CSMD1: variants seen among roughly 807,000 people sequenced by gnomAD.
The protein encoded by CSMD1 is CUB and Sushi multiple domains 1.
A neutral mutation model predicts 417.5 loss-of-function variants in CSMD1; 213 were observed. That is an observed-to-expected ratio of 0.51 (90% CI 0.46 to 0.57). CSMD1 has a LOEUF of 0.57. Among genes scored for constraint, CSMD1 ranks in the 20% least tolerant of loss-of-function variants. CSMD1 has a pLI of 0.00. For synonymous variants in CSMD1, 2,862 were observed against 1,736.8 expected (o/e 1.65, Z -16.11); for missense variants, 6,923 against 4,529.7 (o/e 1.53, Z -15.17).
chr8:4,050,342 C>T (rs970103091), intron 3 of CSMD1, among the ~76,000 whole-genome samples: 6 of 152,080 alleles, frequency 3.9e-5, no homozygotes, highest in African/African-American at 1.2e-4. Flanking sequence ...ACACAGAGCA[C>T]CCACTAAAGT....
At chr8:4,874,879 TATAGA>T (rs1802953367) in intron 1 of CSMD1, among the ~76,000 whole-genome samples, 1 of 148,462 alleles carries the variant, frequency 6.7e-6, no homozygotes, top group African/African-American at 2.5e-5. Context: ...GTATATATAG[TATAGA>T]GTATAGTGTA....
At chr8:4,318,571 G>T (rs1467205316) in intron 3 of CSMD1, among the ~76,000 whole-genome samples, 1 of 151,922 alleles carries the variant, frequency 6.6e-6, no homozygotes, top group African/African-American at 2.4e-5. Context: ...ACACTAAAAA[G>T]AATAAAAAAC....
At chr8:3,346,947 G>A (rs1808043882) in intron 22 of CSMD1, among the ~76,000 whole-genome samples, 1 of 152,204 alleles carries the variant, frequency 6.6e-6, no homozygotes, top group African/African-American at 2.4e-5. Flanking sequence ...TCACCTCGCT[G>A]AAATAAGCAG....
Position 3,813,699 on chromosome 8 carries a change from A to T in CSMD1, c.819-59657T>A, listed in dbSNP as rs183540796. On this transcript the variant is annotated intron_variant, in intron 5 of 69. Coordinates refer to ENST00000635120, the MANE Select transcript of CSMD1 (RefSeq NM_033225.6). ...AAAGCCCTGTACTTTCCAATATTCA[A>T]CTATTCACTCCTCCTATACCAAATG... is the stretch of plus-strand genomic sequence containing the variant. Among the ~76,000 whole-genome samples, 281 of 152,246 alleles carry T rather than the reference A, an allele frequency of 1.8e-3. 1 individual carries two copies. The highest frequency in any genetic ancestry group is 0.018 in the East Asian group (95 of 5,182).
rs1395622287 is a variant in CSMD1, at chr8:3,660,522, T to A, written c.1010-43725A>T. 4.4e-5 allele frequency among the ~76,000 whole-genome samples: 2 copies of A among 45,896 alleles called. 1 individual carries two copies. The highest frequency in any genetic ancestry group is 7.1e-5 in the Non-Finnish European group (2 of 28,154). The allele number at this position is 45,896 out of a possible 152,430, so 30.1% of individuals were successfully genotyped here. A position where few individuals can be genotyped will look rare whatever the true frequency, so the allele number is the denominator to read the frequency against. On this transcript the variant is annotated intron_variant, in intron 7 of 69. Transcript: ENST00000635120. ...TTTTTTTTTTTTTTTTTTTTTTTTT[T>A]TTTTTTTTTTTTTTTTGAAAAAAAA...
At chr8:3,959,456 G>A (rs2627492) in intron 5 of CSMD1, among the ~76,000 whole-genome samples, 95,010 of 152,078 alleles carry the variant, frequency 0.62, 30,079 homozygotes, top group East Asian at 0.93. Flanking sequence ...CCAAGATCAC[G>A]CCATTGCACT....
intron 57 of CSMD1, among the ~76,000 whole-genome samples, chr8:2,967,955 T>C (rs994641966): frequency 2.0e-5 from 3 of 152,158 alleles, no homozygotes; most frequent in African/African-American, 4.8e-5. Flanking sequence ...CCCGTGCCAA[T>C]GGCAGACAGA....
intron 12 of CSMD1, among the ~76,000 whole-genome samples, chr8:3,457,600 G>C (rs12681360): frequency 6.6e-6 from 1 of 152,164 alleles, no homozygotes; most frequent in Non-Finnish European, 1.5e-5. Flanking sequence ...TTCAAGAATA[G>C]AATAGTCCCA....
intron 3 of CSMD1, among the ~76,000 whole-genome samples, chr8:4,153,367 G>A (rs573781775): frequency 2.0e-5 from 3 of 152,236 alleles, no homozygotes; most frequent in African/African-American, 7.2e-5. Context: ...CTACATTCTG[G>A]AAGCAACAGT....
At chr8:3,592,601 G>C (rs1187317428) in intron 8 of CSMD1, among the ~76,000 whole-genome samples, 1 of 152,116 alleles carries the variant, frequency 6.6e-6, no homozygotes, top group Non-Finnish European at 1.5e-5. Flanking sequence ...TTGCTTAAGA[G>C]GAACAAAGCT....
In CSMD1 at chr8:3,546,072, C is replaced by A. The variant is rs1798646940; in HGVS notation, c.1344+28873G>T. On this transcript the variant is annotated intron_variant, in intron 10 of 69. Transcript: ENST00000635120. ...CTCCATCAAGTTGACATTTAACAGC[C>A]CTTGCTAACAAATGTAAATAGCAGT... 2.0e-5 allele frequency among the ~76,000 whole-genome samples: 3 copies of A among 152,124 alleles called. No individual in the cohort carries two copies. The South Asian group carries it at 6.2e-4, about 32-fold the overall frequency.
chr8:4,273,069 AT>A (rs1426419211), intron 3 of CSMD1, among the ~76,000 whole-genome samples: 5 of 152,238 alleles, frequency 3.3e-5, no homozygotes, highest in East Asian at 1.9e-4. Context: ...CCATCATTTG[AT>A]TTTTGAGGAA....
At chr8:3,726,942 C>G (rs888296921) in intron 6 of CSMD1, among the ~76,000 whole-genome samples, 1 of 152,200 alleles carries the variant, frequency 6.6e-6, no homozygotes, top group South Asian at 2.1e-4. Context: ...CAATTAATGA[C>G]TAAACTCTGA....
intron 27 of CSMD1, among the ~76,000 whole-genome samples, chr8:3,224,257 A>G (rs900188383): frequency 6.6e-6 from 1 of 152,222 alleles, no homozygotes; most frequent in Non-Finnish European, 1.5e-5. Flanking sequence ...CATGGACATG[A>G]TTTTATGGCC....
intron 3 of CSMD1, among the ~76,000 whole-genome samples, chr8:4,189,922 T>A (rs1051322937): frequency 6.6e-6 from 1 of 150,968 alleles, no homozygotes; most frequent in Non-Finnish European, 1.5e-5. Flanking sequence ...CTCTTTTGCA[T>A]ATTTTTTTTT....
chr8:3,254,474 C>T (rs1369550300), intron 26 of CSMD1, among the ~76,000 whole-genome samples: 4 of 152,138 alleles, frequency 2.6e-5, no homozygotes, highest in Non-Finnish European at 4.4e-5. Context: ...GAGTGTTTTC[C>T]AACTTGGTTC....
chr8:4,000,477 A>AC (rs1256980898), intron 4 of CSMD1, among the ~76,000 whole-genome samples: 1 of 152,250 alleles, frequency 6.6e-6, no homozygotes, highest in African/African-American at 2.4e-5. Context: ...AGTGGCTACT[A>AC]CTGAGATTCA....
At chr8:3,928,182 A>T (rs773230698) in intron 5 of CSMD1, among the ~76,000 whole-genome samples, 16 of 152,220 alleles carry the variant, frequency 1.1e-4, no homozygotes, top group Non-Finnish European at 1.5e-5. Context: ...CTCAGAAAAG[A>T]ACATGAGAAT....
intron 3 of CSMD1, among the ~76,000 whole-genome samples, chr8:4,319,489 G>A (rs187338436): frequency 1.3e-5 from 2 of 152,158 alleles, no homozygotes; most frequent in African/African-American, 4.8e-5. Context: ...TAGGATAGCA[G>A]GGACCAGATT....
Sources: allele counts gnomAD v4.1 joint callset (sites outside exome capture counted in the v4.1 genomes callset), GRCh38; gene constraint gnomAD v4.1.1; transcripts MANE v1.5; gene names NCBI Gene and HGNC (gene_info 2026-07-23, HGNC 2026-07-21).